KHDC1: variants seen among roughly 807,000 people sequenced by gnomAD.
KHDC1 encodes KH domain containing 1.
In KHDC1, 21 loss-of-function variants were observed where a neutral mutation model predicts 24.7. That is an observed-to-expected ratio of 0.85 (90% CI 0.60 to 1.23). KHDC1 has a LOEUF of 1.23. Ranked by LOEUF, KHDC1 falls within the 50% of genes most tolerant of loss-of-function variation. The pLI, the probability that KHDC1 is intolerant of heterozygous loss-of-function variation, is 0.00. For missense variants in KHDC1, 274 were observed against 298.5 expected, an observed-to-expected ratio of 0.92 and a Z score of 0.61; for synonymous variants, 98 against 111.7, an observed-to-expected ratio of 0.88 and a Z score of 0.77.
intron 2 of KHDC1, among the ~76,000 whole-genome samples, chr6:73,258,370 G>C (rs1364166764): frequency 6.6e-6 from 1 of 152,152 alleles, no homozygotes; most frequent in Non-Finnish European, 1.5e-5. Flanking sequence ...TTGAGCCTGG[G>C]AAGTTGAGGC....
At chr6:73,247,054 T>A (rs1049509423) in intron 2 of KHDC1, among the ~76,000 whole-genome samples, 32 of 152,152 alleles carry the variant, frequency 2.1e-4, no homozygotes, top group African/African-American at 7.5e-4. Flanking sequence ...CTCGGCTCAC[T>A]GTACCCTCTG....
At position 73,262,760 on chromosome 6, in the gene KHDC1, A is replaced by C; in HGVS notation, c.207-20230T>G. The C allele has an allele frequency of 3.0e-6, 3 of 985,480 alleles. No homozygotes were observed. Among genetic ancestry groups the C allele is most frequent in the Non-Finnish European group, 3.6e-6 (3 of 829,932 alleles). The allele number at this position is 985,480 out of a possible 1,614,324, so 61.0% of individuals were successfully genotyped here. Reference sequence around the variant, plus strand: ...ACTTAGTAAGAAATGTGCAAGATCTAGATGAAGACCCACCAGATAGGATGC... The same window carrying C: ...ACTTAGTAAGAAATGTGCAAGATCTCGATGAAGACCCACCAGATAGGATGC... On this transcript the variant is annotated intron_variant, in intron 2 of 4. Coordinates refer to ENST00000370384, the Ensembl canonical transcript of KHDC1.
chr6:73,255,760 G>C (rs1766868902), intron 2 of KHDC1, among the ~76,000 whole-genome samples: 1 of 151,394 alleles, frequency 6.6e-6, no homozygotes, highest in Non-Finnish European at 1.5e-5. Context: ...AAATTAACTG[G>C]GCACGGTGGC....
chr6:73,291,948 C>T, intron 2 of KHDC1: 1 of 1,603,360 alleles, frequency 6.2e-7, no homozygotes, highest in South Asian at 1.1e-5. Context: ...CACAGACTCC[C>T]TTTTTTTGGT....
intron 2 of KHDC1, among the ~76,000 whole-genome samples, chr6:73,263,925 A>G (rs548889745): frequency 1.6e-4 from 25 of 152,328 alleles, no homozygotes; most frequent in Admixed American, 8.5e-4. Context: ...CGGGCTGGGC[A>G]CAGTGGCTCA....
At chr6:73,308,797 GT>G (rs1368173853) in intron 1 of KHDC1, among the ~76,000 whole-genome samples, 2 of 151,990 alleles carry the variant, frequency 1.3e-5, no homozygotes, top group Non-Finnish European at 2.9e-5. Context: ...ACCCGGTAGA[GT>G]TTTTTGCTGT....
intron 2 of KHDC1, chr6:73,290,625 C>A (rs1362476073): frequency 2.3e-5 from 12 of 511,468 alleles, no homozygotes; most frequent in African/African-American, 2.1e-4. Context: ...GAAAACCCTG[C>A]TGATGTGTCA....
chr6:73,290,412 A>C (rs753537820), intron 2 of KHDC1: 20 of 340,232 alleles, frequency 5.9e-5, no homozygotes, highest in Non-Finnish European at 1.1e-4. Context: ...TGATGTCCTC[A>C]AATTTCTTGC....
chr6:73,298,888 C>A (rs1562260562), intron 1 of KHDC1, among the ~76,000 whole-genome samples: 6 of 152,088 alleles, frequency 3.9e-5, no homozygotes, highest in Non-Finnish European at 2.9e-5. Flanking sequence ...TATGGAGGAG[C>A]CACAGCCTGG....
chr6:73,283,680 G>A lies in KHDC1; in HGVS notation c.206+8318C>T, dbSNP rs1272706743. Among the ~76,000 whole-genome samples, 7 of 141,366 alleles carry A rather than the reference G, an allele frequency of 5.0e-5. No homozygotes were observed. The East Asian group carries it at 1.0e-3, about 21-fold the overall frequency. The allele number at this position is 141,366 out of a possible 152,430, so 92.7% of individuals were successfully genotyped here. ...TTTGGAGACAGAGTCTCTCTCTGTC[G>A]CCCAGGCTGGAGTGCAGTGGCGCGA... On this transcript the variant is annotated intron_variant, in intron 2 of 4. Transcript: ENST00000370384.
At chr6:73,250,765 T>C (rs1390206524) in intron 2 of KHDC1, among the ~76,000 whole-genome samples, 1 of 152,262 alleles carries the variant, frequency 6.6e-6, no homozygotes, top group Non-Finnish European at 1.5e-5. Flanking sequence ...ACATAAAACC[T>C]GAAGAGTGAA....
At chr6:73,298,064 G>GC (rs1380096204) in intron 1 of KHDC1, among the ~76,000 whole-genome samples, 1 of 152,032 alleles carries the variant, frequency 6.6e-6, no homozygotes, top group East Asian at 1.9e-4. Context: ...GGTGGGGCAT[G>GC]CCCGTATTCC....
At chr6:73,291,681 C>T (rs1390842054) in intron 2 of KHDC1, among the ~76,000 whole-genome samples, 1 of 150,104 alleles carries the variant, frequency 6.7e-6, no homozygotes, top group Non-Finnish European at 1.5e-5. Flanking sequence ...TAAAGGGTCC[C>T]AAGATCAGGA....
chr6:73,247,557 G>C (rs1766689764), intron 2 of KHDC1, among the ~76,000 whole-genome samples: 1 of 151,964 alleles, frequency 6.6e-6, no homozygotes, highest in Non-Finnish European at 1.5e-5. Context: ...ACATCCATTT[G>C]AAACAATCAA....
chr6:73,259,074 G>A (rs1766930829), intron 2 of KHDC1, among the ~76,000 whole-genome samples: 2 of 152,206 alleles, frequency 1.3e-5, no homozygotes, highest in African/African-American at 4.8e-5. Flanking sequence ...AATTCCCTGG[G>A]GCCTGCTTCT....
chr6:73,273,453 C>G (rs1033339773), intron 2 of KHDC1, among the ~76,000 whole-genome samples: 3 of 152,104 alleles, frequency 2.0e-5, no homozygotes, highest in Non-Finnish European at 4.4e-5. Flanking sequence ...TAGGCATGAG[C>G]AACCACTCCC....
intron 2 of KHDC1, among the ~76,000 whole-genome samples, chr6:73,245,533 C>A (rs1463519548): frequency 6.6e-6 from 1 of 152,120 alleles, no homozygotes; most frequent in Non-Finnish European, 1.5e-5. Flanking sequence ...ATGGAGTAGC[C>A]TATGAATCCC....
intron 2 of KHDC1, chr6:73,268,000 C>G (rs1767104517): frequency 6.5e-6 from 1 of 152,996 alleles, no homozygotes; most frequent in African/African-American, 2.4e-5. Context: ...CCATGCCCAG[C>G]TAATTTTGTA....
intron 2 of KHDC1, among the ~76,000 whole-genome samples, chr6:73,286,614 G>C (rs1767528573): frequency 6.6e-6 from 1 of 152,172 alleles, no homozygotes; most frequent in Admixed American, 6.5e-5. Context: ...GAGCATGGTG[G>C]CTCACGTCTA....
Sources: allele counts gnomAD v4.1 joint callset (sites outside exome capture counted in the v4.1 genomes callset), GRCh38; gene constraint gnomAD v4.1.1; transcripts MANE v1.5; gene names NCBI Gene and HGNC (gene_info 2026-07-23, HGNC 2026-07-21).